Variants in PTPRD observed in about 807,000 individuals in gnomAD.
PTPRD encodes the protein protein tyrosine phosphatase receptor type D, also known as receptor-type tyrosine-protein phosphatase delta.
A neutral mutation model predicts 214.5 loss-of-function variants in PTPRD; 34 were observed. That is an observed-to-expected ratio of 0.16 (90% CI 0.12 to 0.21). The LOEUF (loss-of-function observed/expected upper bound fraction) is 0.21, where lower values mean the gene tolerates loss of function less well. Ranked by LOEUF, PTPRD falls within the 10% of genes least tolerant of loss-of-function variation. The pLI, the probability that PTPRD is intolerant of heterozygous loss-of-function variation, is 1.00. For synonymous variants in PTPRD, 1,128 were observed against 845.7 expected (o/e 1.33, Z -5.79); for missense variants, 2,545 against 2,398.7 (o/e 1.06, Z -1.27).
At chr9:10,125,385 TTC>T (rs1231298031) in intron 3 of PTPRD, among the ~76,000 whole-genome samples, 1 of 149,026 alleles carries the variant, frequency 6.7e-6, no homozygotes, top group East Asian at 1.9e-4. Flanking sequence ...CGTTTTTATC[TTC>T]TTTTTTATTT....
intron 14 of PTPRD, among the ~76,000 whole-genome samples, chr9:8,617,686 A>T (rs2154296834): frequency 6.6e-6 from 1 of 152,282 alleles, no homozygotes; most frequent in African/African-American, 2.4e-5. Context: ...AAAGGCTTGA[A>T]TTTAAAGAGT....
rs1225855727 is a variant in PTPRD, at chr9:9,630,207, G to C, written c.-286-55426C>G. 7.2e-5 allele frequency among the ~76,000 whole-genome samples: 11 copies of C among 152,198 alleles called. 1 individual carries two copies. In the South Asian group the frequency reaches 1.9e-3, roughly 26 times the overall value. On this transcript the variant is annotated intron_variant, in intron 7 of 45. Transcript: ENST00000381196. ...GCTGAAGCTTGCTGAGTGAAGATAA[G>C]CTCTTCTTAATGGGGATAGGTTGGA...
At chr9:8,879,235 T>A (rs1405056063) in intron 11 of PTPRD, among the ~76,000 whole-genome samples, 1 of 152,130 alleles carries the variant, frequency 6.6e-6, no homozygotes, top group East Asian at 1.9e-4. Flanking sequence ...GAGACACTGA[T>A]GGGAAATCTC....
At chr9:8,349,233 CTG>C (rs199583538) in intron 39 of PTPRD, among the ~76,000 whole-genome samples, 2,655 of 152,176 alleles carry the variant, frequency 0.017, 82 homozygotes, top group African/African-American at 0.06. Flanking sequence ...ACTCCAATTG[CTG>C]AGAAATAACA....
intron 9 of PTPRD, among the ~76,000 whole-genome samples, chr9:9,338,955 T>C (rs1264050577): frequency 6.6e-6 from 1 of 152,092 alleles, no homozygotes; most frequent in Non-Finnish European, 1.5e-5. Flanking sequence ...AAATGTTACA[T>C]GAGAAAAATC....
chr9:8,330,311 C>CCAT (rs1443389320), intron 44 of PTPRD, among the ~76,000 whole-genome samples: 1 of 152,106 alleles, frequency 6.6e-6, no homozygotes, highest in Admixed American at 6.6e-5. Context: ...TCCTATTCAG[C>CCAT]CATCTTTCCA....
intron 11 of PTPRD, among the ~76,000 whole-genome samples, chr9:8,997,539 T>G (rs2099401711): frequency 6.6e-6 from 1 of 152,058 alleles, no homozygotes; most frequent in Admixed American, 6.6e-5. Context: ...GCGTTCTGAA[T>G]GCTCCACCAA....
At chr9:10,348,219 T>A (rs1179347869) in intron 2 of PTPRD, among the ~76,000 whole-genome samples, 1 of 152,178 alleles carries the variant, frequency 6.6e-6, no homozygotes, top group East Asian at 1.9e-4. Context: ...TAGGATTACT[T>A]TTTTTAAGGC....
chr9:9,487,493 C>T (rs2095700539), intron 8 of PTPRD, among the ~76,000 whole-genome samples: 1 of 152,000 alleles, frequency 6.6e-6, no homozygotes, highest in South Asian at 2.1e-4. Flanking sequence ...CAAGTCTTTG[C>T]TATTGTGAAT....
rs79748923 is a variant in PTPRD at position 8,403,397 on chromosome 9, A to T, written c.4210+1140T>A. Among the ~76,000 whole-genome samples, 300 of 152,352 alleles carry T rather than the reference A, an allele frequency of 2.0e-3. 9 individuals are homozygous for T. In the East Asian group the frequency reaches 0.054, roughly 27 times the overall value. On this transcript the variant is annotated intron_variant, in intron 36 of 45. Transcript: ENST00000381196. ...AAGAGGCCATAAAACTCTTCTGGGCACTAATGAGGGTGAACATGGCATGTG... is the reference window on the plus strand; with the variant it reads ...AAGAGGCCATAAAACTCTTCTGGGCTCTAATGAGGGTGAACATGGCATGTG...
intron 8 of PTPRD, among the ~76,000 whole-genome samples, chr9:9,431,321 C>T (rs937034003): frequency 7.9e-5 from 12 of 152,150 alleles, no homozygotes; most frequent in Admixed American, 2.0e-4. Context: ...CATCACTGGC[C>T]ATCAGAGAAA....
At chr9:8,361,714 T>C (rs2078531808) in intron 39 of PTPRD, among the ~76,000 whole-genome samples, 1 of 152,204 alleles carries the variant, frequency 6.6e-6, no homozygotes, top group Admixed American at 6.5e-5. Flanking sequence ...GGAATGTTGA[T>C]AATTGAAGCT....
intron 35 of PTPRD, among the ~76,000 whole-genome samples, chr9:8,435,622 A>G (rs927559961): frequency 6.6e-6 from 1 of 152,126 alleles, no homozygotes; most frequent in African/African-American, 2.4e-5. Context: ...TGGCTTCATT[A>G]AGGGTCCTTG....
intron 30 of PTPRD, among the ~76,000 whole-genome samples, chr9:8,482,941 G>A (rs2096918497): frequency 6.6e-6 from 1 of 152,182 alleles, no homozygotes; most frequent in Non-Finnish European, 1.5e-5. Flanking sequence ...TGAATTAGCT[G>A]CTCTTAAGAT....
At chr9:10,424,274 A>C (rs2098589894) in intron 2 of PTPRD, among the ~76,000 whole-genome samples, 1 of 151,844 alleles carries the variant, frequency 6.6e-6, no homozygotes, top group South Asian at 2.1e-4. Context: ...CATCTAAATC[A>C]AAATGGCCAT....
At chr9:9,269,515 A>C (rs1941873033) in intron 9 of PTPRD, among the ~76,000 whole-genome samples, 1 of 151,466 alleles carries the variant, frequency 6.6e-6, no homozygotes, top group African/African-American at 2.4e-5. Context: ...ACATCTCCTA[A>C]ATAAATAAAA....
At chr9:8,735,289 G>A (rs912402101) in intron 11 of PTPRD, among the ~76,000 whole-genome samples, 2 of 151,596 alleles carry the variant, frequency 1.3e-5, no homozygotes, top group Non-Finnish European at 2.9e-5. Context: ...GATTACAGGT[G>A]CCCACCACCA....
chr9:8,388,982 CTTTTTTT>C (rs34248103), intron 37 of PTPRD, among the ~76,000 whole-genome samples: 1 of 130,054 alleles, frequency 7.7e-6, no homozygotes, highest in African/African-American at 2.8e-5. Context: ...GTGAATATTC[CTTTTTTT>C]TTTTTTTTTT....
chr9:8,921,452 G>T (rs2098827239), intron 11 of PTPRD, among the ~76,000 whole-genome samples: 2 of 151,958 alleles, frequency 1.3e-5, no homozygotes, highest in South Asian at 4.1e-4. Flanking sequence ...TGAGCATGAG[G>T]ATGTGGGGCT....
Sources: allele counts gnomAD v4.1 joint callset (sites outside exome capture counted in the v4.1 genomes callset), GRCh38; gene constraint gnomAD v4.1.1; transcripts MANE v1.5; gene names NCBI Gene and HGNC (gene_info 2026-07-23, HGNC 2026-07-21).